Variants in ADAM22 observed in about 807,000 individuals in gnomAD.
ADAM22 encodes the protein disintegrin and metalloproteinase domain-containing protein 22.
ADAM22 carries 65 observed loss-of-function variants against 144.6 expected under a neutral mutation model. The ratio of observed to expected loss-of-function variants is 0.45; its 90% CI spans 0.37 to 0.55. ADAM22 has a LOEUF of 0.55. ADAM22 is among the 20% of genes least tolerant of loss of function. The pLI, the probability that ADAM22 is intolerant of heterozygous loss-of-function variation, is 0.00. For missense variants in ADAM22, 974 were observed against 1,184.9 expected (o/e 0.82, Z 2.61); for synonymous variants, 391 against 412.6 (o/e 0.95, Z 0.63).
chr7:87,975,095 G>A (rs1160013929), intron 2 of ADAM22, among the ~76,000 whole-genome samples: 1 of 152,010 alleles, frequency 6.6e-6, no homozygotes, highest in Admixed American at 6.6e-5. Context: ...TTAGGGTGTA[G>A]GCATATTTAG....
At chr7:87,952,593 C>G (rs1448357696) in intron 2 of ADAM22, among the ~76,000 whole-genome samples, 6 of 151,930 alleles carry the variant, frequency 3.9e-5, no homozygotes, top group African/African-American at 4.8e-5. Flanking sequence ...GGATATTGGT[C>G]TAAAATTCTC....
intron 3 of ADAM22, among the ~76,000 whole-genome samples, chr7:87,994,454 C>T (rs1467429106): frequency 6.6e-6 from 1 of 152,130 alleles, no homozygotes; most frequent in Non-Finnish European, 1.5e-5. Flanking sequence ...AGCCACCGCG[C>T]CCGGCCTAGT....
intron 22 of ADAM22, among the ~76,000 whole-genome samples, chr7:88,158,068 C>G (rs925665330): frequency 6.6e-6 from 1 of 151,800 alleles, no homozygotes; most frequent in African/African-American, 2.4e-5. Flanking sequence ...ATCTAGCAAG[C>G]AAATGGAAAT....
chr7:87,967,529 G>A (rs1371187178), intron 2 of ADAM22, among the ~76,000 whole-genome samples: 1 of 152,012 alleles, frequency 6.6e-6, no homozygotes, highest in East Asian at 1.9e-4. Flanking sequence ...AAACAGTATA[G>A]GCTGGGCATG....
intron 2 of ADAM22, among the ~76,000 whole-genome samples, chr7:87,961,476 T>A (rs1483281623): frequency 6.6e-6 from 1 of 152,214 alleles, no homozygotes; most frequent in Admixed American, 6.5e-5. Context: ...TCTCTTCCCC[T>A]CCTCTTCCTA....
intron 3 of ADAM22, among the ~76,000 whole-genome samples, chr7:88,028,795 C>G (rs777529850): frequency 6.6e-6 from 1 of 151,900 alleles, no homozygotes; most frequent in African/African-American, 2.4e-5. Flanking sequence ...GTCTTGAAAT[C>G]TATTTTGTCT....
intron 3 of ADAM22, among the ~76,000 whole-genome samples, chr7:88,059,575 A>T (rs1809189167): frequency 6.6e-6 from 1 of 152,200 alleles, no homozygotes; most frequent in South Asian, 2.1e-4. Context: ...CATATGTTCA[A>T]TGAAGCACTA....
chr7:88,093,430 T>C (rs913760858), intron 4 of ADAM22, among the ~76,000 whole-genome samples: 11 of 152,324 alleles, frequency 7.2e-5, no homozygotes, highest in Admixed American at 2.6e-4. Flanking sequence ...AGAGAATATA[T>C]ACTATTGGTA....
chr7:88,186,410 A>G, intron 29 of ADAM22: 5 of 571,484 alleles, frequency 8.7e-6, no homozygotes, highest in South Asian at 2.1e-5. Flanking sequence ...ATATTGTAGA[A>G]TGCCTTGATT....
intron 3 of ADAM22, among the ~76,000 whole-genome samples, chr7:88,033,375 C>T (rs767226251): frequency 6.6e-5 from 10 of 152,208 alleles, no homozygotes; most frequent in Non-Finnish European, 1.3e-4. Flanking sequence ...GTTCTTTTCC[C>T]TTACTTTCTG....
chr7:87,969,244 C>T (rs1168841435), intron 2 of ADAM22, among the ~76,000 whole-genome samples: 1 of 152,170 alleles, frequency 6.6e-6, no homozygotes, highest in Admixed American at 6.5e-5. Context: ...TAACATATAG[C>T]GTGCCTTGTA....
rs544177878 is a variant in ADAM22 at position 87,944,706 on chromosome 7, A to G, written c.246+9520A>G. Among the ~76,000 whole-genome samples, 5 of 152,284 alleles carry G rather than the reference A, an allele frequency of 3.3e-5. No homozygotes were observed. The South Asian group carries it at 1.0e-3, about 32-fold the overall frequency. On this transcript the variant is annotated intron_variant, in intron 2 of 31. Transcript: ENST00000413139. ...GAGAAGATACTAGGCTGGTCAGGTC[A>G]GTATCCTTCTGGCTCAACTAGAAAG...
At chr7:87,983,785 T>C (rs747132429) in intron 3 of ADAM22, among the ~76,000 whole-genome samples, 4 of 152,140 alleles carry the variant, frequency 2.6e-5, no homozygotes, top group Non-Finnish European at 5.9e-5. Flanking sequence ...TGAGAGCTAG[T>C]CTTTATTGTG....
intron 4 of ADAM22, among the ~76,000 whole-genome samples, chr7:88,084,909 C>T (rs1432773085): frequency 6.6e-6 from 1 of 152,174 alleles, no homozygotes; most frequent in Admixed American, 6.5e-5. Context: ...AGGCCTCTCT[C>T]CTTGGTTTGT....
chr7:88,153,502 ATG>A (rs1839058531), intron 21 of ADAM22, among the ~76,000 whole-genome samples, 176 bp downstream of exon 21: 1 of 152,136 alleles, frequency 6.6e-6, no homozygotes, highest in African/African-American at 2.4e-5. Flanking sequence ...AATCTTGAAC[ATG>A]TGTGCTCACC....
chr7:88,136,716 C>T (rs937838174), intron 14 of ADAM22, among the ~76,000 whole-genome samples: 4 of 151,584 alleles, frequency 2.6e-5, no homozygotes, highest in African/African-American at 4.8e-5. Flanking sequence ...AGTATAAATT[C>T]GGTTCAGTGT....
chr7:88,007,228 A>G (rs1794141542), intron 3 of ADAM22, among the ~76,000 whole-genome samples: 1 of 152,202 alleles, frequency 6.6e-6, no homozygotes, highest in African/African-American at 2.4e-5. Context: ...ACTACAAACC[A>G]CTGCTCAATG....
chr7:88,032,996 A>T (rs1478676657), intron 3 of ADAM22, among the ~76,000 whole-genome samples: 2 of 152,216 alleles, frequency 1.3e-5, no homozygotes, highest in African/African-American at 4.8e-5. Context: ...TTTTCTACAT[A>T]AATTACCCAT....
At chr7:87,996,816 CTG>C (rs1361405291) in intron 3 of ADAM22, among the ~76,000 whole-genome samples, 1 of 152,222 alleles carries the variant, frequency 6.6e-6, no homozygotes, top group Non-Finnish European at 1.5e-5. Context: ...TATTTACTAA[CTG>C]TGTGATCTTG....
Sources: allele counts gnomAD v4.1 joint callset (sites outside exome capture counted in the v4.1 genomes callset), GRCh38; gene constraint gnomAD v4.1.1; transcripts MANE v1.5; gene names NCBI Gene and HGNC (gene_info 2026-07-23, HGNC 2026-07-21).